The following M1AP variants were observed in gnomAD, a reference collection of about 807,000 sequenced individuals.
The protein encoded by M1AP is meiosis 1 arrest protein.
M1AP carries 39 observed loss-of-function variants against 51.2 expected under a neutral mutation model. That is an observed-to-expected ratio of 0.76 (90% CI 0.59 to 1.00). The LOEUF (loss-of-function observed/expected upper bound fraction) is 1.00. Among genes scored for constraint, M1AP ranks in the 50% least tolerant of loss-of-function variants. The pLI is 0.00. For synonymous variants in M1AP, 251 were observed against 249.2 expected, an observed-to-expected ratio of 1.01 and a Z score of -0.07; for missense variants, 545 against 641.2, an observed-to-expected ratio of 0.85 and a Z score of 1.62.
At chr2:74,643,546 TGAG>T (rs1184316005) in intron 1 of M1AP, among the ~76,000 whole-genome samples, 1 of 150,988 alleles carries the variant, frequency 6.6e-6, no homozygotes, top group East Asian at 1.9e-4. Context: ...GGCATTATGA[TGAG>T]AAGAGACAAA....
chr2:74,647,821 G>T (rs1012249543), intron 1 of M1AP, among the ~76,000 whole-genome samples: 13 of 152,334 alleles, frequency 8.5e-5, no homozygotes, highest in East Asian at 5.8e-4. Flanking sequence ...TTGAACCCGG[G>T]AGGCGGAGGT....
intron 4 of M1AP, among the ~76,000 whole-genome samples, chr2:74,598,431 TTAAA>T (rs1284766034): frequency 1.3e-5 from 2 of 149,868 alleles, no homozygotes; most frequent in South Asian, 2.1e-4. Flanking sequence ...TTTTGTTACT[TTAAA>T]TAACACTTTA....
chr2:74,582,549 A>G (rs922874155), intron 4 of M1AP, among the ~76,000 whole-genome samples: 1 of 152,266 alleles, frequency 6.6e-6, no homozygotes, highest in Non-Finnish European at 1.5e-5. Flanking sequence ...ATATAAAAAT[A>G]AAACTATCTA....
At chr2:74,624,429 G>C (rs1417386236) in intron 2 of M1AP, among the ~76,000 whole-genome samples, 3 of 152,092 alleles carry the variant, frequency 2.0e-5, no homozygotes, top group Non-Finnish European at 4.4e-5. Context: ...ACTTTTTTGG[G>C]TTATCTTATA....
chr2:74,635,130 A>G lies in M1AP; in HGVS notation c.240+4906T>C, dbSNP rs114816855. Among the ~76,000 whole-genome samples, 1,071 of 152,242 alleles carry G rather than the reference A, an allele frequency of 7.0e-3. 16 individuals are homozygous for G. The highest frequency in any genetic ancestry group is 0.025 in the African/African-American group (1,020 of 41,566). ...CCTGGGTCTGAAGATTTCTTTTTCA[A>G]AATTTAAAAATTATGAATTCAGTTC... On this transcript the variant is annotated intron_variant, in intron 2 of 10. Transcript: ENST00000421985.
chr2:74,637,625 A>G lies in M1AP; in HGVS notation c.240+2411T>C, dbSNP rs547670074. Among the ~76,000 whole-genome samples, 4 of 152,326 alleles carry G rather than the reference A, an allele frequency of 2.6e-5. No homozygotes were observed. The South Asian group carries it at 8.3e-4, about 32-fold the overall frequency. On this transcript the variant is annotated intron_variant, in intron 2 of 10. Coordinates refer to ENST00000421985, the MANE Select transcript of M1AP (RefSeq NM_001321739.2). Reference sequence around the variant, plus strand: ...TTAGGATCTTGTGTTTATGTTAGGTAGTCTTGAGCAGTACTAAGTCTTGGG... The same window carrying G: ...TTAGGATCTTGTGTTTATGTTAGGTGGTCTTGAGCAGTACTAAGTCTTGGG...
intron 7 of M1AP, among the ~76,000 whole-genome samples, chr2:74,566,601 C>T (rs1040149545): frequency 1.3e-5 from 2 of 152,126 alleles, no homozygotes; most frequent in African/African-American, 2.4e-5. Context: ...TCACAGGAAG[C>T]CCACTGACTC....
At chr2:74,584,448 C>CA (rs772920948) in intron 4 of M1AP, among the ~76,000 whole-genome samples, 14,994 of 72,866 alleles carry the variant, frequency 0.21, 901 homozygotes, top group African/African-American at 0.25. Context: ...GTCTCAGTTG[C>CA]AAAAAAAAAA....
intron 2 of M1AP, chr2:74,615,925 C>T (rs1681643145): frequency 6.6e-6 from 1 of 152,270 alleles, no homozygotes; most frequent in Non-Finnish European, 1.5e-5. Context: ...GGGACACCTT[C>T]CTGACCATAG....
Position 74,606,898 on chromosome 2 carries a change from T to G in M1AP, c.595+157A>C, listed in dbSNP as rs1417870836. On this transcript the variant is annotated intron_variant, in intron 4 of 10. Transcript: ENST00000421985. ...CTCATTAAGATTCTTTTTTTAAAAT[T>G]TTATTATTATTATATTTTAAGTTTT... Among the ~76,000 whole-genome samples, 4 of 152,018 alleles carry G rather than the reference T, an allele frequency of 2.6e-5. No individual in the cohort carries two copies. In the East Asian group the frequency reaches 5.8e-4, roughly 22 times the overall value.
chr2:74,586,612 G>T (rs550781118), intron 4 of M1AP, among the ~76,000 whole-genome samples: 1 of 152,170 alleles, frequency 6.6e-6, no homozygotes, highest in African/African-American at 2.4e-5. Flanking sequence ...AATATTAATC[G>T]CACTGCTGAT....
At chr2:74,588,868 T>G (rs1327439979) in intron 4 of M1AP, among the ~76,000 whole-genome samples, 1 of 152,248 alleles carries the variant, frequency 6.6e-6, no homozygotes, top group East Asian at 1.9e-4. Flanking sequence ...ATTCATTTAT[T>G]TAGTCATTCA....
intron 4 of M1AP, among the ~76,000 whole-genome samples, chr2:74,587,106 T>A (rs1679753888): frequency 6.6e-6 from 1 of 152,146 alleles, no homozygotes; most frequent in Non-Finnish European, 1.5e-5. Context: ...TATCTATAAA[T>A]GGCATCCAGT....
chr2:74,592,227 G>T (rs1573109707), intron 4 of M1AP, among the ~76,000 whole-genome samples: 1 of 152,080 alleles, frequency 6.6e-6, no homozygotes, highest in African/African-American at 2.4e-5. Flanking sequence ...TCCTAGAAGT[G>T]GGGCTGGTGA....
rs1681403518 is a variant in M1AP, at chr2:74,612,162, A to T, written c.426+2802T>A. 2.0e-5 allele frequency among the ~76,000 whole-genome samples: 3 copies of T among 151,776 alleles called. No homozygotes were observed. The South Asian group carries it at 6.3e-4, about 32-fold the overall frequency. On this transcript the variant is annotated intron_variant, in intron 3 of 10. Transcript: ENST00000421985. ...CGCCTGGGCCTCCCAAAGTGCTGGG[A>T]TTACAGGTGTGAGCCACTGCGCCCG...
At chr2:74,626,204 T>C (rs1682377794) in intron 2 of M1AP, among the ~76,000 whole-genome samples, 1 of 152,092 alleles carries the variant, frequency 6.6e-6, no homozygotes, top group South Asian at 2.1e-4. Flanking sequence ...TAAATTCCCT[T>C]ATATCTTATA....
At chr2:74,571,714 C>A (rs1440763945) in intron 7 of M1AP, among the ~76,000 whole-genome samples, 1 of 151,938 alleles carries the variant, frequency 6.6e-6, no homozygotes, top group Non-Finnish European at 1.5e-5. Flanking sequence ...CACTGTTTTG[C>A]GGCCAGGCAC....
Position 74,640,246 on chromosome 2 carries a change from C to A in M1AP, c.30G>T (p.Gly10=), listed in dbSNP as rs539479990. The A allele has an allele frequency of 1.6e-5, 26 of 1,614,016 alleles. No homozygotes were observed. In the South Asian group the frequency reaches 2.9e-4, roughly 18 times the overall value. ...GGTCAATCTGAGTGTGAGTAGAGGGCCCTTTACCAGTAGTTCGCCCAGGAT... is the reference window on the plus strand; with the variant it reads ...GGTCAATCTGAGTGTGAGTAGAGGGACCTTTACCAGTAGTTCGCCCAGGAT... MHPGRTTGK[G]PSTHTQIDQQ... Residue 10 remains glycine (G), a synonymous_variant, in exon 2 of 11, where the codon GGG becomes GGT. Coordinates refer to ENST00000421985, the MANE Select transcript of M1AP (RefSeq NM_001321739.2).
At chr2:74,631,190 T>C (rs918064811) in intron 2 of M1AP, among the ~76,000 whole-genome samples, 2 of 152,268 alleles carry the variant, frequency 1.3e-5, no homozygotes, top group Non-Finnish European at 2.9e-5. Flanking sequence ...TTTTTAGTTA[T>C]ATTATTTTAT....
Sources: allele counts gnomAD v4.1 joint callset (sites outside exome capture counted in the v4.1 genomes callset), GRCh38; gene constraint gnomAD v4.1.1; transcripts MANE v1.5; gene names NCBI Gene and HGNC (gene_info 2026-07-23, HGNC 2026-07-21).